The following LGMN variants were observed in gnomAD, a reference collection of about 807,000 sequenced individuals.
LGMN encodes the protein asparaginyl endopeptidase.
A neutral mutation model predicts 56.8 loss-of-function variants in LGMN; 36 were observed. The ratio of observed to expected loss-of-function variants is 0.63; its 90% CI spans 0.49 to 0.84. The LOEUF (loss-of-function observed/expected upper bound fraction) is 0.84, where lower values mean the gene tolerates loss of function less well. LGMN is among the 40% of genes least tolerant of loss of function. LGMN has a pLI of 0.00. For missense variants in LGMN, 446 were observed against 556.1 expected (o/e 0.80, Z 1.99); for synonymous variants, 199 against 210.1 (o/e 0.95, Z 0.46).
chr14:92,706,661 G>A lies in LGMN; in HGVS notation c.1021-8C>T. The A allele has an allele frequency of 6.4e-7, 1 of 1,563,748 alleles. No individual in the cohort carries two copies. Among genetic ancestry groups the A allele is most frequent in the Non-Finnish European group, 8.7e-7 (1 of 1,143,166 alleles). ...CTCAATGAGGTGCCTGGCCTGGGGA[G>A]AAACGCGGCCTGTCAGAATGTGCCT... On this transcript the variant is annotated splice_polypyrimidine_tract_variant and splice_region_variant and intron_variant, in intron 11 of 13. Coordinates refer to ENST00000334869, the MANE Select transcript of LGMN (RefSeq NM_005606.7).
intron 2 of LGMN, among the ~76,000 whole-genome samples, chr14:92,728,043 G>A (rs997952069): frequency 6.6e-6 from 1 of 152,216 alleles, no homozygotes; most frequent in African/African-American, 2.4e-5. Flanking sequence ...TTAAAGACAA[G>A]GATGCATTCT....
At chr14:92,723,443 A>T (rs1399540062) in intron 2 of LGMN, among the ~76,000 whole-genome samples, 2 of 152,212 alleles carry the variant, frequency 1.3e-5, no homozygotes, top group African/African-American at 2.4e-5. Flanking sequence ...GTTCATAATA[A>T]CTAAAAATTG....
chr14:92,712,811 T>C lies in LGMN; in HGVS notation c.604A>G (p.Ile202Val). ...GSMMNHLPDN[I>V]NVYATTAANP... ...CGGCGCCCCAACCACCTACCATTGA[T>C]GTTATCCGGCAGGTGGTTCATCATG... is the stretch of plus-strand genomic sequence containing the variant. The change falls in exon 8 of 14, where the codon ATC (isoleucine) becomes GTC (valine). Residue 202 changes from isoleucine (I) to valine (V), a missense_variant. Physicochemically the swap from Ile to Val is conservative, Grantham distance 29. Coordinates refer to ENST00000334869, the MANE Select transcript of LGMN (RefSeq NM_005606.7). 1 of 1,613,826 alleles carries C rather than the reference T, an allele frequency of 6.2e-7. No individual in the cohort carries two copies. The highest frequency in any genetic ancestry group is 8.5e-7 in the Non-Finnish European group (1 of 1,179,928).
chr14:92,736,767 G>A (rs1891327484), intron 1 of LGMN, among the ~76,000 whole-genome samples: 1 of 152,128 alleles, frequency 6.6e-6, no homozygotes, highest in Non-Finnish European at 1.5e-5. Flanking sequence ...CTGCAGCCCA[G>A]CAGGTCTCAG....
chr14:92,713,451 A>G lies in LGMN; in HGVS notation c.543+372T>C, dbSNP rs539006273. Among the ~76,000 whole-genome samples, 3 of 152,268 alleles carry G rather than the reference A, an allele frequency of 2.0e-5. No homozygotes were observed. The East Asian group carries it at 5.8e-4, about 29-fold the overall frequency. On this transcript the variant is annotated intron_variant, in intron 7 of 13. Coordinates refer to ENST00000334869, the MANE Select transcript of LGMN (RefSeq NM_005606.7). ...GAGAAAGGCTCAAAGTGAGAATAAGATAGTGGTATTTTCCTCCCCAGCTGC... is the reference window on the plus strand; with the variant it reads ...GAGAAAGGCTCAAAGTGAGAATAAGGTAGTGGTATTTTCCTCCCCAGCTGC...
chr14:92,743,801 CAAAA>C (rs397853236), intron 1 of LGMN, among the ~76,000 whole-genome samples: 1 of 94,968 alleles, frequency 1.1e-5, no homozygotes, highest in Non-Finnish European at 2.4e-5. Flanking sequence ...GACTCTGTCT[CAAAA>C]AAAAAAAAAA....
chr14:92,713,120 T>A (rs1164526303), intron 7 of LGMN, among the ~76,000 whole-genome samples: 1 of 152,210 alleles, frequency 6.6e-6, no homozygotes, highest in Non-Finnish European at 1.5e-5. Flanking sequence ...AGCCATGGGA[T>A]GCTAAGGAAA....
At chr14:92,713,775 T>C (rs1485412178) in intron 7 of LGMN, 48 bp downstream of exon 7, 2 of 1,368,424 alleles carry the variant, frequency 1.5e-6, no homozygotes, top group Admixed American at 3.4e-5. Flanking sequence ...ACTCACGGCT[T>C]TCCTCACACC....
intron 5 of LGMN, among the ~76,000 whole-genome samples, chr14:92,715,214 G>GTGTGTGTGTGT (rs1555397591): frequency 6.7e-6 from 1 of 148,930 alleles, no homozygotes; most frequent in African/African-American, 2.5e-5. Flanking sequence ...GGTCAGGGTG[G>GTGTGTGTGTGT]GTGTGTGTGT....
At position 92,721,059 on chromosome 14, in the gene LGMN, T is replaced by G. The variant is rs1890446080; in HGVS notation, c.139-2215A>C. 2.6e-5 allele frequency among the ~76,000 whole-genome samples: 4 copies of G among 152,140 alleles called. No individual in the cohort carries two copies. The South Asian group carries it at 8.3e-4, about 32-fold the overall frequency. On this transcript the variant is annotated intron_variant, in intron 2 of 13. Transcript: ENST00000334869. ...GCACACAACACTGCACCTGGCTAAT[T>G]TCTAAAATGTTCTGTAGAGTCAGGG...
intron 2 of LGMN, among the ~76,000 whole-genome samples, chr14:92,728,067 C>A (rs984032619): frequency 6.6e-6 from 1 of 152,178 alleles, no homozygotes; most frequent in Admixed American, 6.5e-5. Flanking sequence ...AGATGCTTCA[C>A]GAGGTGATTT....
chr14:92,719,884 A>G (rs1890365955), intron 2 of LGMN, among the ~76,000 whole-genome samples: 1 of 152,266 alleles, frequency 6.6e-6, no homozygotes, highest in Non-Finnish European at 1.5e-5. Context: ...TGTCATTCCT[A>G]GAACAAAGAC....
At chr14:92,706,015 G>A (rs549532013) in intron 12 of LGMN, among the ~76,000 whole-genome samples, 17 of 152,190 alleles carry the variant, frequency 1.1e-4, no homozygotes, top group Non-Finnish European at 2.2e-4. Flanking sequence ...AAGGATTGAA[G>A]CACCACATGC....
chr14:92,707,637 C>A (rs76510298), intron 11 of LGMN, among the ~76,000 whole-genome samples: 3,205 of 152,206 alleles, frequency 0.021, 118 homozygotes, highest in African/African-American at 0.073. Context: ...ATGGTTATTT[C>A]TCATAGAAAA....
chr14:92,719,332 A>ACCGCCGCCACCGCCG (rs1566924719), intron 2 of LGMN, among the ~76,000 whole-genome samples: 1 of 83,390 alleles, frequency 1.2e-5, no homozygotes, highest in East Asian at 4.7e-4. Flanking sequence ...CGCCACCGCC[A>ACCGCCGCCACCGCCG]CCGCCATCAC....
At chr14:92,743,801 C>CAAA (rs397853236) in intron 1 of LGMN, among the ~76,000 whole-genome samples, 3 of 94,978 alleles carry the variant, frequency 3.2e-5, no homozygotes, top group Non-Finnish European at 4.7e-5. Context: ...GACTCTGTCT[C>CAAA]AAAAAAAAAA....
chr14:92,714,329 G>A lies in LGMN; in HGVS notation c.480+47C>T. ...GGGTTTAATCTCGACACCTAGGCTT[G>A]CTTTTCTGTTCTGCTAGTTTGTCCT... is the stretch of plus-strand genomic sequence containing the variant. On this transcript the variant is annotated intron_variant, in intron 6 of 13. Coordinates refer to ENST00000334869, the MANE Select transcript of LGMN (RefSeq NM_005606.7). This position sits in a 1 kb window ranked among gnomAD's most constrained non-coding sequence, Gnocchi z 5.1. 1 of 1,299,044 alleles carries A rather than the reference G, an allele frequency of 7.7e-7. No individual in the cohort carries two copies. The highest frequency in any genetic ancestry group is 1.1e-6 in the Non-Finnish European group (1 of 896,802). The allele number at this position is 1,299,044 out of a possible 1,614,324, so 80.5% of individuals were successfully genotyped here.
rs1566924659 is a variant in LGMN at position 92,719,323 on chromosome 14, G to GCCACCGCCA, written c.139-488_139-480dup. On this transcript the variant is annotated intron_variant, in intron 2 of 13. Transcript: ENST00000334869. ...CGCCACCGCCGCCACCGCCGCCGCC[G>GCCACCGCCA]CCACCGCCACCGCCATCACCGCCAC... 3.4e-4 allele frequency among the ~76,000 whole-genome samples: 14 copies of GCCACCGCCA among 41,666 alleles called. 2 individuals are homozygous for GCCACCGCCA. The highest frequency in any genetic ancestry group is 1.1e-3 in the African/African-American group (14 of 12,402). 27.3% of individuals were successfully genotyped at this position (41,666 alleles called of 152,430 possible).
At chr14:92,705,388 G>T (rs567403089) in intron 12 of LGMN, among the ~76,000 whole-genome samples, 93 of 152,150 alleles carry the variant, frequency 6.1e-4, no homozygotes, top group African/African-American at 1.8e-3. Flanking sequence ...TGTAATCCCA[G>T]CTACTCGGGA....
Sources: allele counts gnomAD v4.1 joint callset (sites outside exome capture counted in the v4.1 genomes callset), GRCh38; gene constraint gnomAD v4.1.1; non-coding constraint Gnocchi (gnomAD v3.1); transcripts MANE v1.5; gene names NCBI Gene and HGNC (gene_info 2026-07-23, HGNC 2026-07-21).